Variants in ST14 observed in about 807,000 individuals in gnomAD.
ST14 encodes suppressor of tumorigenicity 14 protein.
In ST14, 40 loss-of-function variants were observed where a neutral mutation model predicts 96.5. The observed-to-expected ratio is 0.41, with a 90% CI of 0.32 to 0.54. The LOEUF is 0.54. Among genes scored for constraint, ST14 ranks in the 20% least tolerant of loss-of-function variants. The pLI, the probability that ST14 is intolerant of heterozygous loss-of-function variation, is 0.17. For missense variants in ST14, 1,066 were observed against 1,188.9 expected (o/e 0.90, Z 1.52); for synonymous variants, 506 against 492.1 (o/e 1.03, Z -0.37).
intron 9 of ST14, 23 bp downstream of exon 9, chr11:130,194,760 A>T (rs375076837): frequency 8.1e-6 from 13 of 1,611,666 alleles, no homozygotes; most frequent in African/African-American, 1.3e-5. Context: ...GGGCGTGTGA[A>T]CGTGTGTGTG....
chr11:130,205,728 G>A (rs113400891), intron 16 of ST14, among the ~76,000 whole-genome samples: 6,145 of 109,042 alleles, frequency 0.056, 238 homozygotes, highest in Middle Eastern at 0.1. Context: ...TTTTTGAGAC[G>A]CACTCTTTCG....
At chr11:130,166,415 G>A (rs1182307257) in intron 1 of ST14, among the ~76,000 whole-genome samples, 2 of 152,164 alleles carry the variant, frequency 1.3e-5, no homozygotes, top group African/African-American at 4.8e-5. Context: ...TTGAAAGGCT[G>A]TGCCTAAGGG....
intron 1 of ST14, among the ~76,000 whole-genome samples, chr11:130,168,406 A>T (rs1953060389): frequency 6.6e-6 from 1 of 152,282 alleles, no homozygotes; most frequent in Non-Finnish European, 1.5e-5. Flanking sequence ...TAGCCAGAGG[A>T]GGTGCAGACT....
intron 7 of ST14, among the ~76,000 whole-genome samples, chr11:130,191,563 G>A (rs932796365): frequency 2.6e-5 from 4 of 151,902 alleles, no homozygotes; most frequent in Non-Finnish European, 5.9e-5. Context: ...GGTGGCGGGC[G>A]CCTGTAATCC....
rs1953281256 is a variant in ST14, at chr11:130,190,132, A to G, written c.618A>G (p.Val206=). The change falls in exon 6 of 19, where the codon GTA becomes GTG. Residue 206 remains valine (V), a synonymous_variant. Coordinates refer to ENST00000278742, the MANE Select transcript of ST14 (RefSeq NM_021978.4). ...VVAFPTDSKT[V]QRTQDNSCSF... ...CTTCAGCCACGGACTCCAAAACAGT[A>G]CAGAGGACCCAGGACAGTAAGTATC... is the stretch of plus-strand genomic sequence containing the variant. 1 of 1,614,084 alleles carries G rather than the reference A, an allele frequency of 6.2e-7. No individual in the cohort carries two copies. Among genetic ancestry groups the G allele is most frequent in the Non-Finnish European group, 8.5e-7 (1 of 1,180,032 alleles).
At chr11:130,194,511 C>G in intron 8 of ST14, 129 bp from the exon 9 acceptor site, 1 of 1,160,804 alleles carries the variant, frequency 8.6e-7, no homozygotes, top group Non-Finnish European at 1.3e-6. Context: ...GCCTTCCTGG[C>G]TGTGCACCTG....
At position 130,190,707 on chromosome 11, in the gene ST14, G is replaced by A. The variant is rs769598824; in HGVS notation, c.875+13G>A. The A allele has an allele frequency of 1.9e-6, 3 of 1,560,394 alleles. No individual in the cohort carries two copies. The highest frequency in any genetic ancestry group is 2.6e-6 in the Non-Finnish European group (3 of 1,152,940). ...ACGCCCTGGTGCAGTGAGTACCCCG[G>A]GGGGCGGGTAGGGCTGTGGGAGCTT... is the stretch of plus-strand genomic sequence containing the variant. On this transcript the variant is annotated intron_variant, in intron 7 of 18. Coordinates refer to ENST00000278742, the MANE Select transcript of ST14 (RefSeq NM_021978.4).
chr11:130,197,056 G>C (rs2136216602), intron 11 of ST14, among the ~76,000 whole-genome samples: 1 of 152,270 alleles, frequency 6.6e-6, no homozygotes, highest in Admixed American at 6.5e-5. Context: ...GCACCGTTAG[G>C]ATTCACAGTG....
At chr11:130,160,521 C>T (rs1952991348) in intron 1 of ST14, among the ~76,000 whole-genome samples, 1 of 152,118 alleles carries the variant, frequency 6.6e-6, no homozygotes, top group Non-Finnish European at 1.5e-5. Flanking sequence ...CGCTTTGGGA[C>T]CTCGCAGAGG....
intron 7 of ST14, among the ~76,000 whole-genome samples, chr11:130,193,615 G>A (rs1953327729): frequency 1.3e-5 from 2 of 152,044 alleles, no homozygotes; most frequent in African/African-American, 2.4e-5. Context: ...GATTACAGGC[G>A]TGCACCGTGA....
In ST14 at chr11:130,187,439, G is replaced by C. The variant is rs1050470431; in HGVS notation, c.82-675G>C. ...TTTCCCTCTGTTGGGGCTGCGCGTGGGTGTGGATTCCCACAGTGGGCCTCT... is the reference window on the plus strand; with the variant it reads ...TTTCCCTCTGTTGGGGCTGCGCGTGCGTGTGGATTCCCACAGTGGGCCTCT... On this transcript the variant is annotated intron_variant, in intron 1 of 18. Transcript: ENST00000278742. The surrounding 1 kb of genome is among the most constrained non-coding windows in gnomAD (Gnocchi z 4.5). Among the ~76,000 whole-genome samples the C allele has an allele frequency of 1.3e-5, 2 of 152,180 alleles. No individual in the cohort carries two copies. The highest frequency in any genetic ancestry group is 4.8e-5 in the African/African-American group (2 of 41,430).
At chr11:130,197,733 C>T (rs1953382214) in intron 11 of ST14, 108 bp from the exon 12 acceptor site, 1 of 953,540 alleles carries the variant, frequency 1.0e-6, no homozygotes, top group Non-Finnish European at 1.6e-6. Context: ...AGCACCTGCC[C>T]TGCTCCTGTG....
At chr11:130,203,354 C>T (rs575393811) in intron 16 of ST14, among the ~76,000 whole-genome samples, 1 of 152,346 alleles carries the variant, frequency 6.6e-6, no homozygotes, top group South Asian at 2.1e-4. Context: ...GCACTGCCAC[C>T]ACCTTGCTCG....
rs373655320 is a variant in ST14, at chr11:130,188,212, C to A, written c.180C>A (p.Ala60=). The A allele has an allele frequency of 6.2e-7, 1 of 1,614,146 alleles. No individual in the cohort carries two copies. The highest frequency in any genetic ancestry group is 1.7e-5 in the Admixed American group (1 of 60,012). The change falls in exon 2 of 19, where the codon GCC becomes GCA. Residue 60 remains alanine, a synonymous_variant. Transcript: ENST00000278742. This position sits in a 1 kb window ranked among gnomAD's most constrained non-coding sequence, Gnocchi z 5.4. Reference sequence around the variant, plus strand: ...CGGGGCGCTGGGTGGTGCTGGCAGCCGTGCTGATCGGCCTCCTCTTGGTCT... The same window carrying A: ...CGGGGCGCTGGGTGGTGCTGGCAGCAGTGCTGATCGGCCTCCTCTTGGTCT... ...HGPGRWVVLA[A]VLIGLLLVLL...
chr11:130,209,089 T>C (rs1953519009), intron 17 of ST14, among the ~76,000 whole-genome samples: 1 of 152,206 alleles, frequency 6.6e-6, no homozygotes, highest in South Asian at 2.1e-4. Flanking sequence ...TGAACATTTG[T>C]CGTCTTTGGA....
At chr11:130,177,408 C>T (rs1953149966) in intron 1 of ST14, among the ~76,000 whole-genome samples, 1 of 151,782 alleles carries the variant, frequency 6.6e-6, no homozygotes, top group African/African-American at 2.4e-5. Flanking sequence ...ACTAAAAATA[C>T]AAAAATTAGC....
rs773937848 is a variant in ST14 at position 130,188,073 on chromosome 11, C to G, written c.82-41C>G. 1 of 1,611,358 alleles carries G rather than the reference C, an allele frequency of 6.2e-7. No homozygotes were observed. Among genetic ancestry groups the G allele is most frequent in the South Asian group, 1.1e-5 (1 of 90,748 alleles). On this transcript the variant is annotated intron_variant, in intron 1 of 18. Transcript: ENST00000278742. The surrounding 1 kb of genome is among the most constrained non-coding windows in gnomAD (Gnocchi z 5.4). Reference sequence around the variant, plus strand: ...TCCCCAGCGGGGTGCAGGGGAAGAGCGGGTGAGAGGGTCTGAGTGGTGGCG... The same window carrying G: ...TCCCCAGCGGGGTGCAGGGGAAGAGGGGGTGAGAGGGTCTGAGTGGTGGCG...
At chr11:130,166,424 G>C (rs116288760) in intron 1 of ST14, among the ~76,000 whole-genome samples, 21 of 152,196 alleles carry the variant, frequency 1.4e-4, no homozygotes, top group Admixed American at 2.6e-4. Context: ...TGTGCCTAAG[G>C]GGGGGTCTGT....
chr11:130,210,057 G>A lies in ST14; in HGVS notation c.*234G>A. ...CACTGGTGGTTCTACTGACCCAACT[G>A]GGGGCAAAGGTTTGAAGACACAGCC... is the stretch of plus-strand genomic sequence containing the variant. On this transcript the variant is annotated 3_prime_UTR_variant, in exon 19 of 19. Coordinates refer to ENST00000278742, the MANE Select transcript of ST14 (RefSeq NM_021978.4). 3.5e-6 allele frequency: 2 copies of A among 574,600 alleles called. No individual in the cohort carries two copies. Among genetic ancestry groups the A allele is most frequent in the Non-Finnish European group, 6.1e-6 (2 of 330,002 alleles). The allele number at this position is 574,600 out of a possible 1,614,324, so 35.6% of individuals were successfully genotyped here.
Sources: gnomAD v4.1 joint callset for allele counts (sites outside exome capture counted in the v4.1 genomes callset) on GRCh38, gnomAD v4.1.1 for gene constraint, Gnocchi (gnomAD v3.1) non-coding constraint, MANE v1.5 for transcripts, NCBI Gene and HGNC (gene_info 2026-07-23, HGNC 2026-07-21) for gene names.